Variants in SLC39A9 observed in about 807,000 individuals in gnomAD.
SLC39A9 encodes zinc transporter ZIP9.
Under a neutral mutation model 28.4 loss-of-function variants are expected in SLC39A9, and 14 were observed. The ratio of observed to expected loss-of-function variants is 0.49; its 90% confidence interval spans 0.33 to 0.77. The LOEUF is 0.77. Ranked by LOEUF, SLC39A9 falls within the 30% of genes least tolerant of loss-of-function variation. The probability of loss-of-function intolerance (pLI) is 0.02; values close to 1 mark genes in which losing one functional copy is unlikely to be tolerated. For synonymous variants in SLC39A9, 119 were observed against 149.6 expected, an observed-to-expected ratio of 0.80 and a Z score of 1.49; for missense variants, 283 against 381.1, an observed-to-expected ratio of 0.74 and a Z score of 2.14.
At chr14:69,423,335 C>T (rs1446345105) in intron 1 of SLC39A9, among the ~76,000 whole-genome samples, 1 of 152,074 alleles carries the variant, frequency 6.6e-6, no homozygotes, top group African/African-American at 2.4e-5. Flanking sequence ...TTTATTTAGC[C>T]AGTCTCCTTT....
intron 5 of SLC39A9, among the ~76,000 whole-genome samples, 192 bp downstream of exon 5, chr14:69,455,089 AT>A (rs1885795766): frequency 6.6e-6 from 1 of 152,008 alleles, no homozygotes; most frequent in South Asian, 2.1e-4. Context: ...AGGGGTTTCA[AT>A]TTTTTTGTGT....
chr14:69,445,631 G>T (rs1885258728), intron 3 of SLC39A9, among the ~76,000 whole-genome samples: 1 of 152,234 alleles, frequency 6.6e-6, no homozygotes, highest in African/African-American at 2.4e-5. Flanking sequence ...CAGTGCAGTG[G>T]TCAAGTGTAT....
intron 2 of SLC39A9, among the ~76,000 whole-genome samples, chr14:69,427,906 G>C (rs1484093621): frequency 6.6e-6 from 1 of 152,184 alleles, no homozygotes; most frequent in Non-Finnish European, 1.5e-5. Context: ...CATGAATTCT[G>C]CTAAGATAGA....
chr14:69,410,576 G>GT (rs1381192650), intron 1 of SLC39A9, among the ~76,000 whole-genome samples: 2 of 152,202 alleles, frequency 1.3e-5, no homozygotes, highest in African/African-American at 4.8e-5. Flanking sequence ...TGTTTCAGCT[G>GT]TAAGGACTTG....
At chr14:69,447,992 A>C (rs1297430988) in intron 3 of SLC39A9, among the ~76,000 whole-genome samples, 1 of 151,466 alleles carries the variant, frequency 6.6e-6, no homozygotes, top group Non-Finnish European at 1.5e-5. Flanking sequence ...AGGCAGGTGG[A>C]TCACAAGGCC....
intron 1 of SLC39A9, among the ~76,000 whole-genome samples, chr14:69,411,432 G>C (rs1036924936): frequency 2.6e-5 from 4 of 152,156 alleles, no homozygotes; most frequent in African/African-American, 9.7e-5. Flanking sequence ...GGTTCAGTCA[G>C]GCTGCAACTG....
chr14:69,414,223 T>A (rs1255203821), intron 1 of SLC39A9, among the ~76,000 whole-genome samples: 5 of 152,138 alleles, frequency 3.3e-5, no homozygotes, highest in African/African-American at 7.2e-5. Context: ...AAGTTTTGTA[T>A]TTTTAGTAGA....
Position 69,461,632 on chromosome 14 carries a change from T to C in SLC39A9, c.*3039T>C. 1 of 1,530,386 alleles carries C rather than the reference T, an allele frequency of 6.5e-7. No homozygotes were observed. Among genetic ancestry groups the C allele is most frequent in the Non-Finnish European group, 8.7e-7 (1 of 1,145,116 alleles). The allele number at this position is 1,530,386 out of a possible 1,614,324, so 94.8% of individuals were successfully genotyped here. Reference sequence around the variant, plus strand: ...CTTTCTTTGCAGAAAGGAGAAAATGTGATTGTGTTTTTTTTTTACCAGCCT... The same window carrying C: ...CTTTCTTTGCAGAAAGGAGAAAATGCGATTGTGTTTTTTTTTTACCAGCCT... On this transcript the variant is annotated 3_prime_UTR_variant, in exon 7 of 7. Transcript: ENST00000336643.
At chr14:69,445,738 C>T (rs894049923) in intron 3 of SLC39A9, among the ~76,000 whole-genome samples, 2 of 152,096 alleles carry the variant, frequency 1.3e-5, no homozygotes, top group Admixed American at 6.6e-5. Context: ...GTTGAGAGGG[C>T]AAAAGGGTTT....
intron 2 of SLC39A9, among the ~76,000 whole-genome samples, chr14:69,435,295 A>G (rs1017419963): frequency 6.6e-6 from 1 of 152,180 alleles, no homozygotes; most frequent in African/African-American, 2.4e-5. Context: ...ATTGTGCAAT[A>G]TCCCTCTTTA....
At chr14:69,450,062 C>G (rs1040107665) in intron 3 of SLC39A9, among the ~76,000 whole-genome samples, 4 of 152,028 alleles carry the variant, frequency 2.6e-5, no homozygotes, top group African/African-American at 9.7e-5. Context: ...GTGGCGGGCA[C>G]CTGTAATCTC....
intron 2 of SLC39A9, among the ~76,000 whole-genome samples, chr14:69,432,800 A>G (rs1039886716): frequency 2.0e-5 from 3 of 152,090 alleles, no homozygotes; most frequent in Non-Finnish European, 4.4e-5. Context: ...TTTATTGACT[A>G]GGGAGTCCTC....
At chr14:69,446,968 CGA>C (rs143464726) in intron 3 of SLC39A9, among the ~76,000 whole-genome samples, 12 of 121,520 alleles carry the variant, frequency 9.9e-5, no homozygotes, top group South Asian at 3.0e-4. Context: ...AGAGAGAGAG[CGA>C]GAGAGAGAGA....
intron 3 of SLC39A9, among the ~76,000 whole-genome samples, chr14:69,452,663 G>A (rs559184628): frequency 5.3e-5 from 8 of 152,186 alleles, no homozygotes; most frequent in Non-Finnish European, 1.2e-4. Context: ...AATCTGACAC[G>A]GATGTGTAAG....
chr14:69,433,858 C>T (rs1382944909), intron 2 of SLC39A9, among the ~76,000 whole-genome samples: 2 of 152,088 alleles, frequency 1.3e-5, no homozygotes, highest in African/African-American at 4.8e-5. Flanking sequence ...AGTCTCAGCT[C>T]ACTGCAACCT....
At chr14:69,413,710 C>A (rs928121728) in intron 1 of SLC39A9, among the ~76,000 whole-genome samples, 1 of 151,844 alleles carries the variant, frequency 6.6e-6, no homozygotes, top group Non-Finnish European at 1.5e-5. Context: ...GCATGAATAT[C>A]ATCTTTTTTG....
intron 2 of SLC39A9, among the ~76,000 whole-genome samples, chr14:69,438,449 G>T (rs1884887790): frequency 6.6e-6 from 1 of 152,076 alleles, no homozygotes. Context: ...ATTGTTTTCA[G>T]AACTCAGTAT....
intron 1 of SLC39A9, among the ~76,000 whole-genome samples, chr14:69,402,389 C>T (rs1462360677): frequency 6.6e-6 from 1 of 152,168 alleles, no homozygotes; most frequent in East Asian, 1.9e-4. Flanking sequence ...TGTTTTTAAT[C>T]TTGCTGCTGC....
intron 1 of SLC39A9, among the ~76,000 whole-genome samples, chr14:69,414,674 A>T (rs1214509810): frequency 6.6e-6 from 1 of 152,212 alleles, no homozygotes; most frequent in Non-Finnish European, 1.5e-5. Flanking sequence ...TACAGATCTT[A>T]ATATAGGTTG....
Sources: allele counts gnomAD v4.1 joint callset (sites outside exome capture counted in the v4.1 genomes callset), GRCh38; gene constraint gnomAD v4.1.1; transcripts MANE v1.5; gene names NCBI Gene and HGNC (gene_info 2026-07-23, HGNC 2026-07-21).